Variants in AGPAT3 observed in about 807,000 individuals in gnomAD.
The protein encoded by AGPAT3 is 1-acylglycerol-3-phosphate O-acyltransferase 3.
In AGPAT3, 5 loss-of-function variants were observed where a neutral mutation model predicts 47.3. The ratio of observed to expected loss-of-function variants is 0.11; its 90% CI spans 0.06 to 0.22. The LOEUF (loss-of-function observed/expected upper bound fraction) is 0.22. Ranked by LOEUF, AGPAT3 falls within the 10% of genes least tolerant of loss-of-function variation. The pLI is 1.00. For missense variants in AGPAT3, 315 were observed against 493.0 expected (o/e 0.64, Z 3.42); for synonymous variants, 212 against 208.3 (o/e 1.02, Z -0.15).
chr21:43,900,992 G>A (rs2086336458), intron 1 of AGPAT3, among the ~76,000 whole-genome samples: 1 of 152,134 alleles, frequency 6.6e-6, no homozygotes, highest in Non-Finnish European at 1.5e-5. Flanking sequence ...CCCAGAAGAA[G>A]AGGAAAATCA....
At chr21:43,868,263 C>T (rs947229070) in intron 1 of AGPAT3, among the ~76,000 whole-genome samples, 1 of 152,180 alleles carries the variant, frequency 6.6e-6, no homozygotes, top group African/African-American at 2.4e-5. Flanking sequence ...AAATTGGCCA[C>T]GTCTTTTCCC....
At chr21:43,884,805 G>A (rs1359939925) in intron 1 of AGPAT3, among the ~76,000 whole-genome samples, 1 of 152,174 alleles carries the variant, frequency 6.6e-6, no homozygotes, top group African/African-American at 2.4e-5. Context: ...GGTGGATGCA[G>A]AGGCAGGGCT....
At position 43,922,264 on chromosome 21, in the gene AGPAT3, G is replaced by C. The variant is rs1404925820; in HGVS notation, c.-49+18245G>C. ...ACGAGGAGTGGATGTGACGGAGGAG[G>C]CTCCTGTTCTTGTGGGGGTGGCGAG... is the stretch of plus-strand genomic sequence containing the variant. On this transcript the variant is annotated intron_variant, in intron 2 of 9. Coordinates refer to ENST00000291572, the MANE Select transcript of AGPAT3 (RefSeq NM_020132.5). This position sits in a 1 kb window ranked among gnomAD's most constrained non-coding sequence, Gnocchi z 4.9. 6.6e-6 allele frequency among the ~76,000 whole-genome samples: 1 copy of C among 152,098 alleles called. No homozygotes were observed. Among genetic ancestry groups the C allele is most frequent in the Non-Finnish European group, 1.5e-5 (1 of 68,018 alleles).
At chr21:43,927,699 T>C (rs2146248591) in intron 2 of AGPAT3, among the ~76,000 whole-genome samples, 1 of 152,334 alleles carries the variant, frequency 6.6e-6, no homozygotes, top group East Asian at 1.9e-4. Flanking sequence ...TGTGGTGAGA[T>C]GGCCTGGGTT....
rs562151641 is a variant in AGPAT3 at position 43,889,615 on chromosome 21, G to T, written c.-111-14342G>T. ...ATAAAGTGAGGCACACACATTTTTT[G>T]ATTTCCCAGTGCATACAGAAGTTAG... is the stretch of plus-strand genomic sequence containing the variant. On this transcript the variant is annotated intron_variant, in intron 1 of 9. Transcript: ENST00000291572. Among the ~76,000 whole-genome samples the T allele has an allele frequency of 5.3e-5, 8 of 152,220 alleles. No individual in the cohort carries two copies. The East Asian group carries it at 1.3e-3, about 26-fold the overall frequency.
intron 1 of AGPAT3, among the ~76,000 whole-genome samples, chr21:43,883,662 C>T (rs553858564): frequency 7.9e-5 from 12 of 152,282 alleles, no homozygotes; most frequent in East Asian, 7.7e-4. Context: ...GGTATAATCT[C>T]GGCTCACTGC....
Position 43,954,913 on chromosome 21 carries a change from T to G in AGPAT3, c.-48-4721T>G. 1.4e-6 allele frequency: 1 copy of G among 722,182 alleles called. No homozygotes were observed. Among genetic ancestry groups the G allele is most frequent in the South Asian group, 2.5e-5 (1 of 40,126 alleles). 44.7% of individuals were successfully genotyped at this position (722,182 alleles called of 1,614,324 possible). On this transcript the variant is annotated intron_variant, in intron 2 of 9. Transcript: ENST00000291572. The surrounding 1 kb of genome is among the most constrained non-coding windows in gnomAD (Gnocchi z 4.0). The stretch of plus-strand genomic sequence containing the variant: ...CTCTCCGGGGAGTCTCTGCGTAGAC[T>G]TTCTAGCCCAGAGGTTCAGGTGATG...
intron 1 of AGPAT3, among the ~76,000 whole-genome samples, chr21:43,889,754 A>G (rs541292645): frequency 5.9e-4 from 90 of 152,332 alleles, no homozygotes; most frequent in Middle Eastern, 3.4e-3. Context: ...TAAAAAAAAC[A>G]GTGTGCATGC....
chr21:43,891,463 C>T (rs1489462516), intron 1 of AGPAT3, among the ~76,000 whole-genome samples: 3 of 152,122 alleles, frequency 2.0e-5, no homozygotes, highest in African/African-American at 7.2e-5. Flanking sequence ...GAAACCCTGT[C>T]TCTACTAAAA....
intron 1 of AGPAT3, among the ~76,000 whole-genome samples, chr21:43,866,059 GT>G (rs1248964983): frequency 6.6e-6 from 1 of 151,672 alleles, no homozygotes; most frequent in Non-Finnish European, 1.5e-5. Flanking sequence ...TGGAACATTG[GT>G]CCCAAGTACT....
chr21:43,969,311 T>A (rs1475974419), intron 5 of AGPAT3, 32 bp downstream of exon 5: 1 of 1,610,290 alleles, frequency 6.2e-7, no homozygotes, highest in Non-Finnish European at 8.5e-7. Context: ...ATACCCTGCA[T>A]GCCTGGAGGA....
intron 1 of AGPAT3, among the ~76,000 whole-genome samples, chr21:43,887,750 A>G (rs1446314385): frequency 6.6e-5 from 10 of 152,084 alleles, no homozygotes. Flanking sequence ...CACCTCTCAG[A>G]CTCAAGTGAT....
rs114344920 is a variant in AGPAT3 at position 43,896,580 on chromosome 21, G to A, written c.-111-7377G>A. Among the ~76,000 whole-genome samples, 1,136 of 152,312 alleles carry A rather than the reference G, an allele frequency of 7.5e-3. 10 individuals carry two copies. The highest frequency in any genetic ancestry group is 0.026 in the African/African-American group (1,067 of 41,564). ...GACCGCAGTCACACCATTTGTTTATGTCTTGTCTACAGCTGTTTTTGCATT... is the reference window on the plus strand; with the variant it reads ...GACCGCAGTCACACCATTTGTTTATATCTTGTCTACAGCTGTTTTTGCATT... On this transcript the variant is annotated intron_variant, in intron 1 of 9. Coordinates refer to ENST00000291572, the MANE Select transcript of AGPAT3 (RefSeq NM_020132.5).
At chr21:43,978,152 C>CGTTA in intron 8 of AGPAT3, 31 bp downstream of exon 8, 2 of 1,600,818 alleles carry the variant, frequency 1.2e-6, no homozygotes, top group South Asian at 2.2e-5. Flanking sequence ...CTCAGGGTCC[C>CGTTA]GGTCTCCTGA....
rs2030377748 is a variant in AGPAT3, at chr21:43,987,120, C to T, written c.*4728C>T. On this transcript the variant is annotated 3_prime_UTR_variant, in exon 10 of 10. Coordinates refer to ENST00000291572, the MANE Select transcript of AGPAT3 (RefSeq NM_020132.5). ...GCTGTGAAAGACAGGGATAAAATATCCACAATATAAGAGAAAGCGACTCCG... is the reference window on the plus strand; with the variant it reads ...GCTGTGAAAGACAGGGATAAAATATTCACAATATAAGAGAAAGCGACTCCG... 6.6e-6 allele frequency among the ~76,000 whole-genome samples: 1 copy of T among 152,220 alleles called. No individual in the cohort carries two copies. Among genetic ancestry groups the T allele is most frequent in the South Asian group, 2.1e-4 (1 of 4,830 alleles).
Position 43,982,446 on chromosome 21 carries a change from A to G in AGPAT3, c.*54A>G. On this transcript the variant is annotated 3_prime_UTR_variant, in exon 10 of 10. Coordinates refer to ENST00000291572, the MANE Select transcript of AGPAT3 (RefSeq NM_020132.5). The surrounding 1 kb of genome is among the most constrained non-coding windows in gnomAD (Gnocchi z 6.2). ...CCTGACGGTGGTATCCAGTTAACTCAAAACCAACACACAGAGTGCAGGAAA... is the reference window on the plus strand; with the variant it reads ...CCTGACGGTGGTATCCAGTTAACTCGAAACCAACACACAGAGTGCAGGAAA... 1 of 1,304,054 alleles carries G rather than the reference A, an allele frequency of 7.7e-7. No homozygotes were observed. The highest frequency in any genetic ancestry group is 1.1e-6 in the Non-Finnish European group (1 of 903,882). 80.8% of individuals were successfully genotyped at this position (1,304,054 alleles called of 1,614,324 possible). A position where few individuals can be genotyped will look rare whatever the true frequency, so the allele number is the denominator to read the frequency against.
chr21:43,866,297 T>C (rs2085505693), intron 1 of AGPAT3, among the ~76,000 whole-genome samples: 1 of 151,488 alleles, frequency 6.6e-6, no homozygotes, highest in African/African-American at 2.4e-5. Context: ...AGAAGAAAGA[T>C]GTGGGCTGTT....
At position 43,880,261 on chromosome 21, in the gene AGPAT3, G is replaced by A. The variant is rs1435053691; in HGVS notation, c.-112+14916G>A. Among the ~76,000 whole-genome samples the A allele has an allele frequency of 6.6e-6, 1 of 152,216 alleles. No homozygotes were observed. Among genetic ancestry groups the A allele is most frequent in the African/African-American group, 2.4e-5 (1 of 41,452 alleles). Reference sequence around the variant, plus strand: ...ACTTCATGGCTCAGCACAGCTGAGGGCAGCAACTGTTGTCCCCTAGAGCCC... The same window carrying A: ...ACTTCATGGCTCAGCACAGCTGAGGACAGCAACTGTTGTCCCCTAGAGCCC... On this transcript the variant is annotated intron_variant, in intron 1 of 9. Coordinates refer to ENST00000291572, the MANE Select transcript of AGPAT3 (RefSeq NM_020132.5). This position sits in a 1 kb window ranked among gnomAD's most constrained non-coding sequence, Gnocchi z 4.5.
intron 1 of AGPAT3, among the ~76,000 whole-genome samples, chr21:43,879,157 C>T (rs2085798657): frequency 6.6e-6 from 1 of 152,056 alleles, no homozygotes; most frequent in African/African-American, 2.4e-5. Flanking sequence ...CGAGACCAGC[C>T]TGACCAACAT....
Sources: allele counts gnomAD v4.1 joint callset (sites outside exome capture counted in the v4.1 genomes callset), GRCh38; gene constraint gnomAD v4.1.1; non-coding constraint Gnocchi (gnomAD v3.1); transcripts MANE v1.5; gene names NCBI Gene and HGNC (gene_info 2026-07-23, HGNC 2026-07-21).